Variants in EDIL3 observed in about 807,000 individuals in gnomAD.
The protein encoded by EDIL3 is EGF-like repeat and discoidin I-like domain-containing protein 3.
Under a neutral mutation model 67.4 loss-of-function variants are expected in EDIL3, and 37 were observed. The observed-to-expected ratio is 0.55, with a 90% CI of 0.42 to 0.72. EDIL3 has a LOEUF of 0.72. Ranked by LOEUF, EDIL3 falls within the 30% of genes least tolerant of loss-of-function variation. EDIL3 has a pLI of 0.00. For synonymous variants in EDIL3, 195 were observed against 196.3 expected (o/e 0.99, Z 0.05); for missense variants, 527 against 586.3 (o/e 0.90, Z 1.04).
chr5:84,355,931 T>C (rs1485043894), intron 1 of EDIL3, among the ~76,000 whole-genome samples: 1 of 152,214 alleles, frequency 6.6e-6, no homozygotes, highest in African/African-American at 2.4e-5. Context: ...ATGGGAGTTT[T>C]AATTATAAGC....
At chr5:84,270,911 C>A (rs1745459574) in intron 1 of EDIL3, among the ~76,000 whole-genome samples, 1 of 152,032 alleles carries the variant, frequency 6.6e-6, no homozygotes, top group Non-Finnish European at 1.5e-5. Context: ...GAAAAAAAAT[C>A]CCTAGTCATT....
chr5:84,197,075 A>G (rs1472561122), intron 3 of EDIL3: 1 of 152,048 alleles, frequency 6.6e-6, no homozygotes, highest in Non-Finnish European at 1.5e-5. Flanking sequence ...ATGGTCTTAT[A>G]ACATCATTTG....
chr5:84,361,079 C>A (rs944660311), intron 1 of EDIL3, among the ~76,000 whole-genome samples: 5 of 151,868 alleles, frequency 3.3e-5, no homozygotes, highest in Non-Finnish European at 7.4e-5. Context: ...TATTCACCTG[C>A]CTAAGTTGAT....
intron 1 of EDIL3, among the ~76,000 whole-genome samples, chr5:84,340,150 A>T (rs941820743): frequency 1.3e-5 from 2 of 152,012 alleles, no homozygotes; most frequent in Non-Finnish European, 2.9e-5. Context: ...ATAAAAGAAC[A>T]TCTACTTCCA....
rs994138870 is a variant in EDIL3, at chr5:84,069,386, C to T, written c.652-2780G>A. Reference sequence around the variant, plus strand: ...GTTTCAGTCTTGGTTTTGTCACTTCCGACCTATATAATCTTGAACAATTTG... The same window carrying T: ...GTTTCAGTCTTGGTTTTGTCACTTCTGACCTATATAATCTTGAACAATTTG... On this transcript the variant is annotated intron_variant, in intron 6 of 10. Transcript: ENST00000296591. Among the ~76,000 whole-genome samples, 5 of 151,896 alleles carry T rather than the reference C, an allele frequency of 3.3e-5. No individual in the cohort carries two copies. In the South Asian group the frequency reaches 6.2e-4, roughly 19 times the overall value.
intron 1 of EDIL3, among the ~76,000 whole-genome samples, chr5:84,278,467 T>G (rs1745631270): frequency 1.3e-5 from 2 of 152,132 alleles, no homozygotes. Context: ...TATATGGTAA[T>G]AGCTAAAAAC....
intron 9 of EDIL3, chr5:84,048,348 C>A: frequency 3.1e-6 from 1 of 317,474 alleles, no homozygotes; most frequent in Non-Finnish European, 6.3e-6. Context: ...TAGAATACTC[C>A]CTTTTAAAAA....
Position 84,312,405 on chromosome 5 carries a change from G to T in EDIL3, c.68-58193C>A, listed in dbSNP as rs560922154. On this transcript the variant is annotated intron_variant, in intron 1 of 10. Coordinates refer to ENST00000296591, the MANE Select transcript of EDIL3 (RefSeq NM_005711.5). The stretch of plus-strand genomic sequence containing the variant: ...GGGCTGACTCCCCCACCACCCTCCC[G>T]GACGGGGCGGCTGGCCGGGCAGAGG... Among the ~76,000 whole-genome samples, 8 of 137,784 alleles carry T rather than the reference G, an allele frequency of 5.8e-5. No individual in the cohort carries two copies. In the South Asian group the frequency reaches 1.9e-3, roughly 34 times the overall value. The allele number at this position is 137,784 out of a possible 152,430, so 90.4% of individuals were successfully genotyped here.
intron 9 of EDIL3, among the ~76,000 whole-genome samples, chr5:83,966,072 CCTGGT>C (rs1744685589): frequency 6.6e-6 from 1 of 152,008 alleles, no homozygotes; most frequent in Non-Finnish European, 1.5e-5. Context: ...AATTCTTGAC[CCTGGT>C]CTAGGACCGC....
chr5:84,087,231 T>C (rs1413215702), intron 6 of EDIL3, among the ~76,000 whole-genome samples: 3 of 152,266 alleles, frequency 2.0e-5, no homozygotes, highest in African/African-American at 7.2e-5. Context: ...TTATGGCCAA[T>C]ACATGACTAA....
intron 9 of EDIL3, among the ~76,000 whole-genome samples, chr5:84,054,439 G>C (rs2112228634): frequency 6.6e-6 from 1 of 152,258 alleles, no homozygotes; most frequent in East Asian, 1.9e-4. Flanking sequence ...ATTCAACATA[G>C]TGTTGGAAAT....
intron 5 of EDIL3, among the ~76,000 whole-genome samples, chr5:84,114,102 C>T (rs1747621567): frequency 1.3e-5 from 2 of 148,968 alleles, no homozygotes; most frequent in Non-Finnish European, 3.0e-5. Flanking sequence ...GGGATCAAGG[C>T]TACTCTTTCT....
intron 1 of EDIL3, among the ~76,000 whole-genome samples, chr5:84,279,333 C>T (rs933906617): frequency 5.9e-5 from 9 of 152,078 alleles, no homozygotes; most frequent in Non-Finnish European, 8.8e-5. Context: ...TCTCAACATC[C>T]CAGTGACATG....
chr5:84,367,512 T>G (rs557021658), intron 1 of EDIL3, among the ~76,000 whole-genome samples: 1 of 152,198 alleles, frequency 6.6e-6, no homozygotes, highest in Non-Finnish European at 1.5e-5. Flanking sequence ...CTAGGAGCGG[T>G]GGCTCATGCC....
At chr5:83,998,400 T>TA (rs1279987110) in intron 9 of EDIL3, among the ~76,000 whole-genome samples, 1 of 152,164 alleles carries the variant, frequency 6.6e-6, no homozygotes, top group Non-Finnish European at 1.5e-5. Flanking sequence ...ACCTGCTGAC[T>TA]AAAGAACCCT....
chr5:84,383,303 G>A (rs1242574728), intron 1 of EDIL3, among the ~76,000 whole-genome samples: 1 of 151,994 alleles, frequency 6.6e-6, no homozygotes, highest in South Asian at 2.1e-4. Context: ...GCCCTTTTCC[G>A]GCGACTACTT....
intron 6 of EDIL3, among the ~76,000 whole-genome samples, chr5:84,078,982 C>T (rs1487969434): frequency 1.3e-5 from 2 of 152,072 alleles, no homozygotes; most frequent in Non-Finnish European, 2.9e-5. Flanking sequence ...ACCCCTGCCC[C>T]GTCCTCTAGG....
intron 9 of EDIL3, among the ~76,000 whole-genome samples, chr5:83,977,495 G>A (rs1284792137): frequency 1.3e-5 from 2 of 151,620 alleles, no homozygotes; most frequent in South Asian, 4.2e-4. Context: ...TGTCTTCTGT[G>A]GAGTAGTTTG....
At chr5:84,371,417 G>C (rs1348128091) in intron 1 of EDIL3, among the ~76,000 whole-genome samples, 1 of 132,516 alleles carries the variant, frequency 7.5e-6, no homozygotes, top group South Asian at 2.5e-4. Flanking sequence ...GTGTATATGT[G>C]TATATATATG....
Sources: gnomAD v4.1 joint callset for allele counts (sites outside exome capture counted in the v4.1 genomes callset) on GRCh38, gnomAD v4.1.1 for gene constraint, MANE v1.5 for transcripts, NCBI Gene and HGNC (gene_info 2026-07-23, HGNC 2026-07-21) for gene names.